The following HERPUD2 variants were observed in gnomAD, a reference collection of about 807,000 sequenced individuals.
HERPUD2 encodes HERPUD family member 2, also known as homocysteine-responsive endoplasmic reticulum-resident ubiquitin-like domain member 2 protein.
In HERPUD2, 13 loss-of-function variants were observed where a neutral mutation model predicts 49.9. The ratio of observed to expected loss-of-function variants is 0.26; its 90% CI spans 0.17 to 0.41. The LOEUF is 0.41. HERPUD2 is among the 10% of genes least tolerant of loss of function. The probability of loss-of-function intolerance (pLI) is 1.00; values close to 1 mark genes in which losing one functional copy is unlikely to be tolerated. For missense variants in HERPUD2, 449 were observed against 492.2 expected (o/e 0.91, Z 0.83); for synonymous variants, 172 against 171.4 (o/e 1.00, Z -0.03).
At chr7:35,667,244 A>C (rs1259139174) in intron 5 of HERPUD2, among the ~76,000 whole-genome samples, 190 bp downstream of exon 5, 1 of 152,216 alleles carries the variant, frequency 6.6e-6, no homozygotes, top group Non-Finnish European at 1.5e-5. Flanking sequence ...GCCCTACATG[A>C]TTCTCATGTG....
rs1786265205 is a variant in HERPUD2 at position 35,694,306 on chromosome 7, G to C, written c.25C>G (p.Pro9Ala). 1 of 1,614,026 alleles carries C rather than the reference G, an allele frequency of 6.2e-7. No homozygotes were observed. The highest frequency in any genetic ancestry group is 8.5e-7 in the Non-Finnish European group (1 of 1,180,014). ...GGTGCTTTAATGATGAGGGTCACAG[G>C]AATCTCCATCCCACTTTGGTCCATG... MDQSGMEI[P>A]VTLIIKAPNQ... Residue 9 changes from proline to alanine, a missense_variant, in exon 2 of 9, where the codon CCT becomes GCT. Physicochemically the swap from Pro to Ala is conservative, Grantham distance 27 (BLOSUM62 -1). Transcript: ENST00000311350.
chr7:35,652,926 G>A (rs544198835), intron 5 of HERPUD2, among the ~76,000 whole-genome samples: 12 of 151,728 alleles, frequency 7.9e-5, no homozygotes, highest in African/African-American at 2.9e-4. Flanking sequence ...CACTGGTAGA[G>A]CAAATACACA....
At position 35,670,266 on chromosome 7, in the gene HERPUD2, T is replaced by C. The variant is rs754184123; in HGVS notation, c.288A>G (p.Lys96=). 4 of 1,591,046 alleles carry C rather than the reference T, an allele frequency of 2.5e-6. No homozygotes were observed. In the South Asian group the frequency reaches 4.5e-5, roughly 18 times the overall value. The change falls in exon 4 of 9, where the codon AAA becomes AAG. Residue 96 remains lysine (K), a synonymous_variant. Transcript: ENST00000311350. ...CTSRTPPSSP[K]SSTNRESHEA... ...CATGACTTTCTCTATTGGTGCTGGA[T>C]TTTGGAGAACTGGGAGGAGTCCGAG...
chr7:35,647,507 G>A (rs138383524), intron 5 of HERPUD2, among the ~76,000 whole-genome samples: 9 of 152,118 alleles, frequency 5.9e-5, no homozygotes, highest in African/African-American at 1.2e-4. Context: ...AAGTCACAGG[G>A]TCTTCATGCA....
Position 35,694,202 on chromosome 7 carries a change from G to A in HERPUD2, c.129C>T (p.Asn43=). Residue 43 remains asparagine (N), a synonymous_variant, in exon 2 of 9, where the codon AAC becomes AAT. Transcript: ENST00000311350. ...CACTTACTGGTTTGCTAGGGTAAAC[G>A]TTAGATAGATGCGTTTTTAGTTTCC... ...TVGKLKTHLS[N]VYPSKPLTKD... 1 of 1,614,116 alleles carries A rather than the reference G, an allele frequency of 6.2e-7. No individual in the cohort carries two copies. Among genetic ancestry groups the A allele is most frequent in the Non-Finnish European group, 8.5e-7 (1 of 1,180,018 alleles).
chr7:35,667,012 A>G (rs1181111290), intron 5 of HERPUD2, among the ~76,000 whole-genome samples: 1 of 152,222 alleles, frequency 6.6e-6, no homozygotes, highest in Non-Finnish European at 1.5e-5. Context: ...ACATTCCCCT[A>G]AACACTAAAT....
At chr7:35,667,180 C>T (rs1467200258) in intron 5 of HERPUD2, among the ~76,000 whole-genome samples, 1 of 152,178 alleles carries the variant, frequency 6.6e-6, no homozygotes, top group Non-Finnish European at 1.5e-5. Flanking sequence ...TACAAACCTG[C>T]AGCTCAACAA....
intron 3 of HERPUD2, among the ~76,000 whole-genome samples, chr7:35,671,989 C>T (rs899237845): frequency 4.0e-5 from 6 of 151,754 alleles, no homozygotes; most frequent in Non-Finnish European, 7.4e-5. Flanking sequence ...GTTTTTAGGG[C>T]TATTCTAAGT....
At chr7:35,687,345 C>T (rs1356607279) in intron 2 of HERPUD2, among the ~76,000 whole-genome samples, 1 of 152,168 alleles carries the variant, frequency 6.6e-6, no homozygotes, top group Non-Finnish European at 1.5e-5. Context: ...CACCACTATT[C>T]TTCCTGGTAC....
At chr7:35,640,787 T>A (rs1330159320) in intron 5 of HERPUD2, among the ~76,000 whole-genome samples, 1 of 152,108 alleles carries the variant, frequency 6.6e-6, no homozygotes, top group Admixed American at 6.5e-5. Context: ...TTAATATATG[T>A]TAGAGGATGC....
chr7:35,633,874 T>C, intron 8 of HERPUD2, 23 bp from the exon 9 acceptor site: 1 of 1,605,644 alleles, frequency 6.2e-7, no homozygotes, highest in Non-Finnish European at 8.5e-7. Flanking sequence ...ACAAGAAAGA[T>C]ACTCCTGAGT....
At chr7:35,657,942 C>T (rs1785318257) in intron 5 of HERPUD2, among the ~76,000 whole-genome samples, 1 of 151,132 alleles carries the variant, frequency 6.6e-6, no homozygotes, top group African/African-American at 2.4e-5. Context: ...AAGAAAAAAA[C>T]CACTACACAT....
chr7:35,685,450 A>G (rs1192844158), intron 2 of HERPUD2, among the ~76,000 whole-genome samples: 1 of 151,018 alleles, frequency 6.6e-6, no homozygotes, highest in Non-Finnish European at 1.5e-5. Flanking sequence ...CAGCCTCCCG[A>G]GTAGCTGGGA....
chr7:35,659,353 A>G (rs1186380272), intron 5 of HERPUD2, among the ~76,000 whole-genome samples: 1 of 152,222 alleles, frequency 6.6e-6, no homozygotes, highest in Non-Finnish European at 1.5e-5. Flanking sequence ...CTCCAAATAT[A>G]AACACTTATT....
intron 5 of HERPUD2, among the ~76,000 whole-genome samples, chr7:35,652,070 A>G (rs866801143): frequency 5.1e-4 from 78 of 152,314 alleles, no homozygotes; most frequent in African/African-American, 1.8e-3. Context: ...AAGTCAGCAT[A>G]TGATTCCAGG....
intron 2 of HERPUD2, among the ~76,000 whole-genome samples, chr7:35,693,238 A>C (rs192713269): frequency 4.6e-5 from 7 of 152,344 alleles, no homozygotes; most frequent in Admixed American, 3.3e-4. Context: ...CAGAATGGAA[A>C]AGCCATATGA....
intron 5 of HERPUD2, among the ~76,000 whole-genome samples, chr7:35,641,545 G>A (rs781522652): frequency 1.5e-4 from 23 of 152,164 alleles, no homozygotes; most frequent in Non-Finnish European, 2.9e-4. Flanking sequence ...AAGAAAGATG[G>A]AGGCATCATG....
At chr7:35,647,478 A>G (rs1351133436) in intron 5 of HERPUD2, among the ~76,000 whole-genome samples, 1 of 152,220 alleles carries the variant, frequency 6.6e-6, no homozygotes, top group African/African-American at 2.4e-5. Flanking sequence ...CAGATTCTAA[A>G]GTAAACATTT....
At chr7:35,649,021 G>A (rs1438278779) in intron 5 of HERPUD2, among the ~76,000 whole-genome samples, 8 of 152,194 alleles carry the variant, frequency 5.3e-5, no homozygotes, top group Non-Finnish European at 1.2e-4. Context: ...GGAGGCCCAG[G>A]CAGGCAGATC....
Sources: allele counts gnomAD v4.1 joint callset (sites outside exome capture counted in the v4.1 genomes callset), GRCh38; gene constraint gnomAD v4.1.1; transcripts MANE v1.5; gene names NCBI Gene and HGNC (gene_info 2026-07-23, HGNC 2026-07-21).